The following ST18 variants were observed in gnomAD, a reference collection of about 807,000 sequenced individuals.
ST18 encodes the protein suppression of tumorigenicity 18 protein.
Under a neutral mutation model 110.0 loss-of-function variants are expected in ST18, and 50 were observed. The ratio of observed to expected loss-of-function variants is 0.45; its 90% CI spans 0.36 to 0.58. The LOEUF is 0.58. ST18 is among the 20% of genes least tolerant of loss of function. The pLI, the probability that ST18 is intolerant of heterozygous loss-of-function variation, is 0.00. For synonymous variants in ST18, 461 were observed against 452.4 expected, an observed-to-expected ratio of 1.02 and a Z score of -0.24; for missense variants, 1,306 against 1,280.1, an observed-to-expected ratio of 1.02 and a Z score of -0.31.
Position 52,180,157 on chromosome 8 carries a change from T to C in ST18, c.242A>G (p.Asp81Gly), listed in dbSNP as rs2068781900. 6.2e-7 allele frequency: 1 copy of C among 1,614,156 alleles called. No individual in the cohort carries two copies. The highest frequency in any genetic ancestry group is 8.5e-7 in the Non-Finnish European group (1 of 1,180,032). The change falls in exon 9 of 26, where the codon GAT becomes GGT. Residue 81 changes from aspartate (D) to glycine (G), a missense_variant. By Grantham distance (94) the Asp-to-Gly change is moderately conservative (BLOSUM62 -1). Coordinates refer to ENST00000689386, the MANE Select transcript of ST18 (RefSeq NM_001352837.2). ...QEDRSDRTEDDGPLETHGHST... is the reference protein window; with the variant it reads ...QEDRSDRTEDGGPLETHGHST... Reference sequence around the variant, plus strand: ...GTGACCATGTGTTTCCAAGGGGCCATCGTCCTCTGTCCTGTCACTGCGGTC... The same window carrying C: ...GTGACCATGTGTTTCCAAGGGGCCACCGTCCTCTGTCCTGTCACTGCGGTC...
chr8:52,328,741 C>A (rs1807691487), intron 2 of ST18, among the ~76,000 whole-genome samples: 1 of 151,984 alleles, frequency 6.6e-6, no homozygotes, highest in Non-Finnish European at 1.5e-5. Context: ...AAGATGCAAG[C>A]TTTTGAGAGA....
intron 16 of ST18, among the ~76,000 whole-genome samples, chr8:52,146,681 G>C (rs775264579): frequency 6.6e-6 from 1 of 152,108 alleles, no homozygotes; most frequent in Non-Finnish European, 1.5e-5. Flanking sequence ...GCTTGTCAAT[G>C]AGCGCATTTA....
intron 8 of ST18, among the ~76,000 whole-genome samples, chr8:52,183,302 C>A (rs2070633196): frequency 6.6e-6 from 1 of 152,156 alleles, no homozygotes; most frequent in South Asian, 2.1e-4. Context: ...CAATGAGAAA[C>A]ACCTTGCAAA....
chr8:52,239,019 A>G (rs1216480040), intron 2 of ST18, among the ~76,000 whole-genome samples: 1 of 152,146 alleles, frequency 6.6e-6, no homozygotes, highest in Non-Finnish European at 1.5e-5. Context: ...AATAAAAGGA[A>G]TGAAGTACTT....
chr8:52,142,034 T>C (rs111715405), intron 17 of ST18, among the ~76,000 whole-genome samples: 1 of 151,714 alleles, frequency 6.6e-6, no homozygotes, highest in East Asian at 1.9e-4. Context: ...GTGTAGACAA[T>C]GGATTGTGGA....
intron 17 of ST18, among the ~76,000 whole-genome samples, chr8:52,140,130 TAAG>T (rs1330342827): frequency 6.6e-6 from 1 of 152,154 alleles, no homozygotes; most frequent in Admixed American, 6.5e-5. Context: ...CAAAATATAA[TAAG>T]GACAGGGTGA....
At position 52,209,788 on chromosome 8, in the gene ST18, AATAT is replaced by A. The variant is rs55960327; in HGVS notation, c.86+2287_86+2290del. Among the ~76,000 whole-genome samples the A allele has an allele frequency of 3.3e-3, 354 of 105,684 alleles. 4 individuals are homozygous for A. Among genetic ancestry groups the A allele is most frequent in the African/African-American group, 0.014 (318 of 22,214 alleles). 69.3% of individuals were successfully genotyped at this position (105,684 alleles called of 152,430 possible). ...TCCATCTCAAAAAAAAAAAAAAAAAAATATATATATATATATATATATACATGCT... is the reference window on the plus strand; with the variant it reads ...TCCATCTCAAAAAAAAAAAAAAAAAAATATATATATATATATATACATGCT... On this transcript the variant is annotated intron_variant, in intron 8 of 25. Transcript: ENST00000689386.
chr8:52,199,930 A>T (rs1343389059), intron 8 of ST18, among the ~76,000 whole-genome samples: 2 of 152,192 alleles, frequency 1.3e-5, no homozygotes, highest in Admixed American at 6.5e-5. Flanking sequence ...AGCCAGAAGG[A>T]GCTGCTCATT....
intron 19 of ST18, among the ~76,000 whole-genome samples, chr8:52,134,461 G>A (rs2051139736): frequency 6.6e-6 from 1 of 152,138 alleles, no homozygotes; most frequent in South Asian, 2.1e-4. Context: ...TGCACACTGT[G>A]GTTCACATCA....
At chr8:52,178,645 C>CAAAAAAAAAAAAAAAAAAAAA (rs1563897561) in intron 9 of ST18, among the ~76,000 whole-genome samples, 5 of 30,118 alleles carry the variant, frequency 1.7e-4, no homozygotes, top group Admixed American at 3.8e-4. Context: ...AAAAAAAAAC[C>CAAAAAAAAAAAAAAAAAAAAA]ACCAAAAACC....
At chr8:52,146,135 A>G (rs974563393) in intron 16 of ST18, among the ~76,000 whole-genome samples, 6 of 152,160 alleles carry the variant, frequency 3.9e-5, no homozygotes, top group African/African-American at 1.4e-4. Context: ...GGGTGGGAGC[A>G]GGGACATAAC....
At chr8:52,369,326 G>C (rs1829374704) in intron 2 of ST18, among the ~76,000 whole-genome samples, 1 of 152,122 alleles carries the variant, frequency 6.6e-6, no homozygotes, top group African/African-American at 2.4e-5. Flanking sequence ...CTGGCCAAAG[G>C]GAAAAGCGTG....
At chr8:52,141,478 G>A (rs1004088376) in intron 17 of ST18, among the ~76,000 whole-genome samples, 1 of 152,202 alleles carries the variant, frequency 6.6e-6, no homozygotes, top group Non-Finnish European at 1.5e-5. Flanking sequence ...GAGCAAAGAC[G>A]GAGGAGAGAA....
chr8:52,228,740 G>T (rs981168009), intron 3 of ST18, among the ~76,000 whole-genome samples: 3 of 152,020 alleles, frequency 2.0e-5, no homozygotes, highest in Non-Finnish European at 4.4e-5. Context: ...CTTACCCGGG[G>T]TTCACACAGG....
At chr8:52,159,509 C>G (rs915948741) in intron 14 of ST18, among the ~76,000 whole-genome samples, 2 of 152,064 alleles carry the variant, frequency 1.3e-5, no homozygotes, top group Non-Finnish European at 2.9e-5. Context: ...TATGTGAGGA[C>G]CGGTGATTCC....
At chr8:52,381,967 T>TAAAAAAAAAAA (rs33953466) in intron 2 of ST18, among the ~76,000 whole-genome samples, 8 of 47,264 alleles carry the variant, frequency 1.7e-4, no homozygotes, top group East Asian at 5.1e-4. Flanking sequence ...TATGCTGCAT[T>TAAAAAAAAAAA]AAAAAACAAA....
intron 10 of ST18, 87 bp downstream of exon 10, chr8:52,171,705 C>T: frequency 1.4e-6 from 2 of 1,424,852 alleles, no homozygotes; most frequent in Non-Finnish European, 1.9e-6. Context: ...TGTTAAAAAG[C>T]TACCTGAAAA....
At chr8:52,401,998 G>A (rs1484882753) in intron 2 of ST18, among the ~76,000 whole-genome samples, 1 of 152,166 alleles carries the variant, frequency 6.6e-6, no homozygotes, top group Non-Finnish European at 1.5e-5. Flanking sequence ...AGAGTACTTG[G>A]CTCTGCTTCT....
At chr8:52,203,023 G>T (rs1411647366) in intron 8 of ST18, among the ~76,000 whole-genome samples, 1 of 151,940 alleles carries the variant, frequency 6.6e-6, no homozygotes, top group Admixed American at 6.6e-5. Flanking sequence ...AACATACAGG[G>T]GTAGATAATG....
Sources: allele counts gnomAD v4.1 joint callset (sites outside exome capture counted in the v4.1 genomes callset), GRCh38; gene constraint gnomAD v4.1.1; transcripts MANE v1.5; gene names NCBI Gene and HGNC (gene_info 2026-07-23, HGNC 2026-07-21).